The following NCK2 variants were observed in gnomAD, a reference collection of about 807,000 sequenced individuals.
NCK2 encodes the protein cytoplasmic protein NCK2.
Under a neutral mutation model 33.9 loss-of-function variants are expected in NCK2, and 16 were observed. The observed-to-expected ratio is 0.47, with a 90% CI of 0.32 to 0.72. The LOEUF (loss-of-function observed/expected upper bound fraction) is 0.72. NCK2 is among the 30% of genes least tolerant of loss of function. NCK2 has a pLI of 0.03. For synonymous variants in NCK2, 273 were observed against 239.9 expected, an observed-to-expected ratio of 1.14 and a Z score of -1.27; for missense variants, 418 against 537.3, an observed-to-expected ratio of 0.78 and a Z score of 2.19.
rs1414782885 is a variant in NCK2, at chr2:105,779,258, G to C, written c.-201+34120G>C. 2.2e-5 allele frequency among the ~76,000 whole-genome samples: 3 copies of C among 135,146 alleles called. No homozygotes were observed. In the Admixed American group the frequency reaches 2.5e-4, roughly 11 times the overall value. The allele number at this position is 135,146 out of a possible 152,430, so 88.7% of individuals were successfully genotyped here. A position where few individuals can be genotyped will look rare whatever the true frequency, so the allele number is the denominator to read the frequency against. ...GGAGACAGAGGTTGCAGTGAGCCGA[G>C]ATTGTGCCACTGCACTCCAGCCTGG... On this transcript the variant is annotated intron_variant, in intron 1 of 4. Coordinates refer to ENST00000233154, the MANE Select transcript of NCK2 (RefSeq NM_003581.5).
In NCK2 at chr2:105,855,040, G is replaced by A. The variant is rs1408691559; in HGVS notation, c.-16-8G>A. On this transcript the variant is annotated splice_region_variant and splice_polypyrimidine_tract_variant and intron_variant, in intron 2 of 4. Transcript: ENST00000233154. ...TCTAATGAGCATCTCCAAATGTTTT[G>A]CTGGCAGAAGGACTCCATGAAAGAT... is the stretch of plus-strand genomic sequence containing the variant. 1 of 1,602,194 alleles carries A rather than the reference G, an allele frequency of 6.2e-7. No homozygotes were observed. The highest frequency in any genetic ancestry group is 8.6e-7 in the Non-Finnish European group (1 of 1,169,202).
At chr2:105,829,331 A>G (rs895379180) in intron 2 of NCK2, among the ~76,000 whole-genome samples, 1 of 152,182 alleles carries the variant, frequency 6.6e-6, no homozygotes, top group South Asian at 2.1e-4. Context: ...TTAGATTTAC[A>G]GAAGGCTTAT....
intron 1 of NCK2, among the ~76,000 whole-genome samples, chr2:105,759,913 G>A (rs1382460632): frequency 6.6e-6 from 1 of 152,170 alleles, no homozygotes; most frequent in African/African-American, 2.4e-5. Flanking sequence ...AGGCCACCGA[G>A]GTAATGTGCC....
intron 2 of NCK2, among the ~76,000 whole-genome samples, chr2:105,839,042 C>T (rs923534149): frequency 6.6e-6 from 1 of 152,018 alleles, no homozygotes; most frequent in Non-Finnish European, 1.5e-5. Flanking sequence ...TGGATGGAAT[C>T]AGAGAAGGAA....
chr2:105,851,576 G>A (rs1355948433), intron 2 of NCK2, among the ~76,000 whole-genome samples: 1 of 152,236 alleles, frequency 6.6e-6, no homozygotes, highest in Non-Finnish European at 1.5e-5. Context: ...CTTTCTAAGG[G>A]TCTTGGGAAG....
intron 1 of NCK2, among the ~76,000 whole-genome samples, chr2:105,814,725 C>G (rs1178914564): frequency 6.6e-6 from 1 of 152,170 alleles, no homozygotes; most frequent in Non-Finnish European, 1.5e-5. Context: ...AAAGTGAACT[C>G]CTCTGTACAT....
At chr2:105,868,049 G>A (rs1040081080) in intron 3 of NCK2, among the ~76,000 whole-genome samples, 2 of 152,134 alleles carry the variant, frequency 1.3e-5, no homozygotes, top group Non-Finnish European at 2.9e-5. Context: ...TACTGAGAGA[G>A]CGCTCGTTTA....
chr2:105,764,508 G>A (rs940438285), intron 1 of NCK2, among the ~76,000 whole-genome samples: 1 of 152,234 alleles, frequency 6.6e-6, no homozygotes, highest in African/African-American at 2.4e-5. Flanking sequence ...TGAGACAGGT[G>A]AGCAGGAGGC....
intron 2 of NCK2, among the ~76,000 whole-genome samples, chr2:105,833,327 C>T (rs980713993): frequency 1.3e-5 from 2 of 152,104 alleles, no homozygotes; most frequent in Non-Finnish European, 2.9e-5. Context: ...GAACTCCGGG[C>T]CTCAGGTGAT....
intron 2 of NCK2, chr2:105,854,775 A>G (rs890118007): frequency 3.8e-5 from 12 of 315,432 alleles, no homozygotes; most frequent in Admixed American, 4.5e-5. Flanking sequence ...GTTATTTAGA[A>G]TTTTTTTCAA....
intron 1 of NCK2, among the ~76,000 whole-genome samples, chr2:105,792,202 G>C (rs1408261407): frequency 6.6e-6 from 1 of 152,138 alleles, no homozygotes; most frequent in East Asian, 1.9e-4. Context: ...TTGCTGCTTG[G>C]GGGTTTCTGA....
chr2:105,825,363 C>T (rs564973503), intron 2 of NCK2, among the ~76,000 whole-genome samples: 3 of 152,304 alleles, frequency 2.0e-5, no homozygotes, highest in Admixed American at 6.5e-5. Context: ...AAATCCCATT[C>T]CGTTACTAGT....
chr2:105,856,872 C>T (rs1215922259), intron 3 of NCK2: 1 of 152,144 alleles, frequency 6.6e-6, no homozygotes, highest in Non-Finnish European at 1.5e-5. Context: ...GCTTATAACT[C>T]TTAATTAACT....
intron 2 of NCK2, among the ~76,000 whole-genome samples, chr2:105,831,752 G>T (rs1300741833): frequency 6.6e-6 from 1 of 152,072 alleles, no homozygotes; most frequent in Non-Finnish European, 1.5e-5. Context: ...CTTTGTCGAT[G>T]TGTCTGTTTT....
Position 105,893,134 on chromosome 2 carries a change from C to T in NCK2, c.1101C>T (p.Ser367=), listed in dbSNP as rs1312487716. The T allele has an allele frequency of 1.9e-6, 3 of 1,611,610 alleles. No individual in the cohort carries two copies. Among genetic ancestry groups the T allele is most frequent in the Admixed American group, 3.3e-5 (2 of 59,716 alleles). Residue 367 remains serine, a synonymous_variant, in exon 5 of 5, where the codon AGC becomes AGT. Transcript: ENST00000233154. The stretch of plus-strand genomic sequence containing the variant: ...ACAAAAAGGCGCCCATCTTCACCAG[C>T]GAGCACGGGGAGAAGCTCTACCTCG... The part of the protein sequence containing the change: ...EHYKKAPIFT[S]EHGEKLYLVR...
chr2:105,747,716 C>T (rs756828418), intron 1 of NCK2, among the ~76,000 whole-genome samples: 2 of 152,152 alleles, frequency 1.3e-5, no homozygotes. Context: ...AGAGGGTTTG[C>T]GAGTGGCACT....
At chr2:105,876,409 C>G (rs1348170599) in intron 3 of NCK2, among the ~76,000 whole-genome samples, 2 of 152,244 alleles carry the variant, frequency 1.3e-5, no homozygotes, top group Non-Finnish European at 2.9e-5. Context: ...ATCCACCTGG[C>G]CTGCAGCCTG....
chr2:105,781,221 T>G (rs1679562842), intron 1 of NCK2, among the ~76,000 whole-genome samples: 1 of 152,228 alleles, frequency 6.6e-6, no homozygotes, highest in Non-Finnish European at 1.5e-5. Context: ...TGCTCCACCT[T>G]CTACCATTCA....
chr2:105,893,230 C>T lies in NCK2; in HGVS notation c.*54C>T, dbSNP rs77936916. On this transcript the variant is annotated 3_prime_UTR_variant, in exon 5 of 5. Coordinates refer to ENST00000233154, the MANE Select transcript of NCK2 (RefSeq NM_003581.5). Reference sequence around the variant, plus strand: ...GGGCCCCACGGTGGAGCTGCCCGCCCGGCCTTGTGGCAGAGGCTCCTCCCG... The same window carrying T: ...GGGCCCCACGGTGGAGCTGCCCGCCTGGCCTTGTGGCAGAGGCTCCTCCCG... 2.7e-6 allele frequency: 4 copies of T among 1,497,924 alleles called. No homozygotes were observed. Among genetic ancestry groups the T allele is most frequent in the South Asian group, 1.3e-5 (1 of 79,752 alleles). 92.8% of individuals were successfully genotyped at this position (1,497,924 alleles called of 1,614,324 possible).
Sources: gnomAD v4.1 joint callset for allele counts (sites outside exome capture counted in the v4.1 genomes callset) on GRCh38, gnomAD v4.1.1 for gene constraint, MANE v1.5 for transcripts, NCBI Gene and HGNC (gene_info 2026-07-23, HGNC 2026-07-21) for gene names.